ARHGAP26: variants seen among roughly 807,000 people sequenced by gnomAD.
ARHGAP26 encodes the protein rho GTPase-activating protein 26.
ARHGAP26 carries 38 observed loss-of-function variants against 104.8 expected under a neutral mutation model. The ratio of observed to expected loss-of-function variants is 0.36; its 90% CI spans 0.28 to 0.48. The LOEUF (loss-of-function observed/expected upper bound fraction) is 0.48. Ranked by LOEUF, ARHGAP26 falls within the 20% of genes least tolerant of loss-of-function variation. The probability of loss-of-function intolerance (pLI) is 0.99; values close to 1 mark genes in which losing one functional copy is unlikely to be tolerated. For synonymous variants in ARHGAP26, 341 were observed against 340.0 expected (o/e 1.00, Z -0.03); for missense variants, 704 against 947.9 (o/e 0.74, Z 3.38).
At chr5:143,189,134 AC>A (rs1475071924) in intron 20 of ARHGAP26, among the ~76,000 whole-genome samples, 1 of 152,238 alleles carries the variant, frequency 6.6e-6, no homozygotes, top group Non-Finnish European at 1.5e-5. Context: ...TCTGCTACAG[AC>A]AGGCCAATGT....
intron 5 of ARHGAP26, among the ~76,000 whole-genome samples, chr5:142,893,218 C>T (rs1277239859): frequency 1.3e-5 from 2 of 152,034 alleles, no homozygotes; most frequent in East Asian, 1.9e-4. Context: ...CCTCGTGATC[C>T]GCCCACCTCG....
chr5:142,839,441 C>T (rs1340657390), intron 1 of ARHGAP26, among the ~76,000 whole-genome samples: 1 of 152,086 alleles, frequency 6.6e-6, no homozygotes. Context: ...CAAGGTCATC[C>T]AGCTAACAGT....
rs1761222651 is a variant in ARHGAP26 at position 142,797,497 on chromosome 5, TA to T, written c.154+26584del. 3.3e-5 allele frequency among the ~76,000 whole-genome samples: 5 copies of T among 152,348 alleles called. No individual in the cohort carries two copies. The South Asian group carries it at 8.3e-4, about 25-fold the overall frequency. ...AGAGACTTGGATTCTGCTTAGGAGA[TA>T]AGTGATGCTTTTGGGGGTGGTCACA... On this transcript the variant is annotated intron_variant, in intron 1 of 22. Transcript: ENST00000645722.
chr5:142,857,927 G>A (rs1218325272), intron 1 of ARHGAP26, among the ~76,000 whole-genome samples: 1 of 152,148 alleles, frequency 6.6e-6, no homozygotes, highest in Admixed American at 6.5e-5. Flanking sequence ...ACTTTCAGAT[G>A]TATTTTCCAG....
intron 11 of ARHGAP26, among the ~76,000 whole-genome samples, chr5:142,981,111 T>G (rs1464604730): frequency 6.6e-6 from 1 of 152,170 alleles, no homozygotes; most frequent in Non-Finnish European, 1.5e-5. Flanking sequence ...ACATCAAAAG[T>G]CATCATGGAA....
chr5:142,821,793 T>C (rs1048304101), intron 1 of ARHGAP26, among the ~76,000 whole-genome samples: 1 of 152,224 alleles, frequency 6.6e-6, no homozygotes, highest in African/African-American at 2.4e-5. Context: ...CATCTTTCCT[T>C]ACAGCTTTGT....
intron 11 of ARHGAP26, among the ~76,000 whole-genome samples, chr5:142,972,052 C>T (rs1400168343): frequency 6.6e-6 from 1 of 152,054 alleles, no homozygotes; most frequent in African/African-American, 2.4e-5. Context: ...TGTGGTGACA[C>T]ACGCCTGTTA....
At chr5:143,185,621 T>G (rs936667076) in intron 20 of ARHGAP26, among the ~76,000 whole-genome samples, 1 of 152,204 alleles carries the variant, frequency 6.6e-6, no homozygotes, top group Admixed American at 6.5e-5. Context: ...TTTATTTCCT[T>G]CCTTAACTCC....
intron 1 of ARHGAP26, among the ~76,000 whole-genome samples, chr5:142,839,335 C>T (rs1770260371): frequency 6.6e-6 from 1 of 151,970 alleles, no homozygotes; most frequent in Non-Finnish European, 1.5e-5. Flanking sequence ...TTATAATAAC[C>T]CCATTTAATT....
chr5:143,039,072 G>A (rs150607209), intron 13 of ARHGAP26, among the ~76,000 whole-genome samples: 5 of 152,044 alleles, frequency 3.3e-5, no homozygotes, highest in African/African-American at 1.2e-4. Flanking sequence ...GGAGAGGAGT[G>A]GTCATATTGC....
chr5:143,128,924 TCA>T (rs1797013742), intron 18 of ARHGAP26, among the ~76,000 whole-genome samples: 1 of 152,160 alleles, frequency 6.6e-6, no homozygotes, highest in Non-Finnish European at 1.5e-5. Flanking sequence ...CCCATAAAAA[TCA>T]CAGCACATAA....
chr5:142,911,427 A>G (rs561389269), intron 9 of ARHGAP26, among the ~76,000 whole-genome samples: 1 of 152,080 alleles, frequency 6.6e-6, no homozygotes, highest in Admixed American at 6.5e-5. Context: ...TTTATTTCCT[A>G]TGAATTCTTT....
intron 17 of ARHGAP26, among the ~76,000 whole-genome samples, chr5:143,096,465 T>G (rs1792324273): frequency 6.6e-6 from 1 of 152,186 alleles, no homozygotes; most frequent in Non-Finnish European, 1.5e-5. Context: ...GTAACCATAT[T>G]TTGTCTGTCA....
rs147063891 is a variant in ARHGAP26, at chr5:142,872,126, C to G, written c.155-1274C>G. Among the ~76,000 whole-genome samples, 1,306 of 152,116 alleles carry G rather than the reference C, an allele frequency of 8.6e-3. 9 individuals carry two copies. The highest frequency in any genetic ancestry group is 0.013 in the Non-Finnish European group (872 of 67,978). On this transcript the variant is annotated intron_variant, in intron 1 of 22. Transcript: ENST00000645722. ...GGATTGGATTTGTATCCAGTGCCCCCACTCCCACCGCCCCCCACATTTATT... is the reference window on the plus strand; with the variant it reads ...GGATTGGATTTGTATCCAGTGCCCCGACTCCCACCGCCCCCCACATTTATT...
Position 142,911,714 on chromosome 5 carries a change from A to G in ARHGAP26, c.934-1485A>G, listed in dbSNP as rs143551103. ...CCTTTATATATCCCTATTCCCTCCCATTTCTCTGGGACACCTCATGTAATC... is the reference window on the plus strand; with the variant it reads ...CCTTTATATATCCCTATTCCCTCCCGTTTCTCTGGGACACCTCATGTAATC... On this transcript the variant is annotated intron_variant, in intron 9 of 22. Coordinates refer to ENST00000645722, the MANE Select transcript of ARHGAP26 (RefSeq NM_001135608.3). Among the ~76,000 whole-genome samples, 105 of 152,154 alleles carry G rather than the reference A, an allele frequency of 6.9e-4. 2 individuals carry two copies. The highest frequency in any genetic ancestry group is 2.3e-3 in the African/African-American group (94 of 41,506).
At chr5:143,200,602 A>G (rs1807553755) in intron 20 of ARHGAP26, among the ~76,000 whole-genome samples, 1 of 152,132 alleles carries the variant, frequency 6.6e-6, no homozygotes, top group Non-Finnish European at 1.5e-5. Context: ...TTCTCCAAAA[A>G]AAAGCGAGGA....
At chr5:142,865,509 T>G (rs991833855) in intron 1 of ARHGAP26, among the ~76,000 whole-genome samples, 27 of 139,182 alleles carry the variant, frequency 1.9e-4, no homozygotes, top group Non-Finnish European at 3.2e-4. Flanking sequence ...TTTGAATCCC[T>G]TATAACTCTT....
At chr5:142,814,313 G>T (rs1351672531) in intron 1 of ARHGAP26, among the ~76,000 whole-genome samples, 1 of 152,242 alleles carries the variant, frequency 6.6e-6, no homozygotes, top group African/African-American at 2.4e-5. Flanking sequence ...TGTAAACAGC[G>T]ACTGCCTACA....
At chr5:143,100,360 A>G (rs1793033748) in intron 17 of ARHGAP26, among the ~76,000 whole-genome samples, 1 of 152,250 alleles carries the variant, frequency 6.6e-6, no homozygotes, top group African/African-American at 2.4e-5. Flanking sequence ...CCAAACAGCC[A>G]TGGCCTACAT....
Sources: allele counts gnomAD v4.1 joint callset (sites outside exome capture counted in the v4.1 genomes callset), GRCh38; gene constraint gnomAD v4.1.1; transcripts MANE v1.5; gene names NCBI Gene and HGNC (gene_info 2026-07-23, HGNC 2026-07-21).